The following DCAF6 variants were observed in gnomAD, a reference collection of about 807,000 sequenced individuals.
The protein encoded by DCAF6 is DDB1 and CUL4 associated factor 6.
Under a neutral mutation model 125.1 loss-of-function variants are expected in DCAF6, and 54 were observed. The observed-to-expected ratio is 0.43, with a 90% CI of 0.35 to 0.54. The LOEUF (loss-of-function observed/expected upper bound fraction) is 0.54, where lower values mean the gene tolerates loss of function less well. Ranked by LOEUF, DCAF6 falls within the 20% of genes least tolerant of loss-of-function variation. The probability of loss-of-function intolerance (pLI) is 0.01; values close to 1 mark genes in which losing one functional copy is unlikely to be tolerated. For missense variants in DCAF6, 934 were observed against 1,161.7 expected, an observed-to-expected ratio of 0.80 and a Z score of 2.85; for synonymous variants, 371 against 390.4, an observed-to-expected ratio of 0.95 and a Z score of 0.58.
intron 2 of DCAF6, among the ~76,000 whole-genome samples, chr1:167,953,784 A>C (rs1415285278): frequency 6.6e-6 from 1 of 152,036 alleles, no homozygotes; most frequent in Non-Finnish European, 1.5e-5. Flanking sequence ...TCTTTAGTAG[A>C]GACTGAGTTT....
chr1:167,933,048 A>T (rs1322024351), upstream of DCAF6, among the ~76,000 whole-genome samples: 1 of 152,138 alleles, frequency 6.6e-6, no homozygotes, highest in Non-Finnish European at 1.5e-5. Context: ...ACAGTGGCAG[A>T]TCATGACATG....
the DCAF6 span, among the ~76,000 whole-genome samples, chr1:167,915,017 G>A: frequency 6.6e-6 from 1 of 152,138 alleles, no homozygotes; most frequent in Non-Finnish European, 1.5e-5. Context: ...TCCCCTTAGG[G>A]AGAGCTATTC....
intron 17 of DCAF6, among the ~76,000 whole-genome samples, chr1:168,062,513 C>T (rs2101948043): frequency 6.6e-6 from 1 of 152,190 alleles, no homozygotes; most frequent in Non-Finnish European, 1.5e-5. Context: ...AAAGTCTTTT[C>T]CATCTAATAA....
chr1:167,980,323 T>G (rs1678906960), intron 4 of DCAF6, among the ~76,000 whole-genome samples: 1 of 152,240 alleles, frequency 6.6e-6, no homozygotes, highest in African/African-American at 2.4e-5. Flanking sequence ...TCCAGTTTTT[T>G]CGGATCTGTA....
In DCAF6 at chr1:168,049,431, GT is replaced by G. The variant is rs11369573; in HGVS notation, c.2259-1440del. On this transcript the variant is annotated intron_variant, in intron 16 of 21. Transcript: ENST00000367840. ...CTAATTTGTTGTTGTTGTTGTTGTT[GT>G]TTTTTTTTTTTTTTTTTTTTAGAAG... 6.9e-4 allele frequency among the ~76,000 whole-genome samples: 70 copies of G among 101,214 alleles called. 1 individual carries two copies. Among genetic ancestry groups the G allele is most frequent in the Middle Eastern group, 5.3e-3 (1 of 190 alleles). 66.4% of individuals were successfully genotyped at this position (101,214 alleles called of 152,430 possible).
At chr1:168,073,842 T>A (rs374773402) in intron 21 of DCAF6, among the ~76,000 whole-genome samples, 11 of 151,884 alleles carry the variant, frequency 7.2e-5, no homozygotes, top group African/African-American at 2.4e-4. Flanking sequence ...TAATTTTTTT[T>A]ATACTAATAT....
At chr1:168,049,220 A>AT (rs1196303757) in intron 16 of DCAF6, among the ~76,000 whole-genome samples, 1 of 152,074 alleles carries the variant, frequency 6.6e-6, no homozygotes, top group Non-Finnish European at 1.5e-5. Context: ...TCTTTTAGTG[A>AT]TTTTATATAC....
intron 10 of DCAF6, among the ~76,000 whole-genome samples, chr1:168,011,170 G>T (rs1417750725): frequency 7.1e-6 from 1 of 141,376 alleles, no homozygotes; most frequent in Non-Finnish European, 1.5e-5. Flanking sequence ...AGGCTGGAGT[G>T]CAGTGGCGCG....
At chr1:167,870,237 A>T in the DCAF6 span, 1 of 1,613,936 alleles carries the variant, frequency 6.2e-7, no homozygotes, top group Non-Finnish European at 8.5e-7. Context: ...CACACAGAAC[A>T]ATCATTCCAA....
At chr1:168,025,942 G>T (rs1218598657) in intron 12 of DCAF6, among the ~76,000 whole-genome samples, 4 of 152,106 alleles carry the variant, frequency 2.6e-5, no homozygotes, top group Non-Finnish European at 5.9e-5. Flanking sequence ...CATTCACTAA[G>T]CTCTTGCCAA....
At chr1:168,044,835 G>A in intron 15 of DCAF6, 65 bp from the exon 16 acceptor site, 1 of 1,548,036 alleles carries the variant, frequency 6.5e-7, no homozygotes, top group Non-Finnish European at 8.8e-7. Context: ...GAGCTCCTAA[G>A]TTAGGTTAAA....
At chr1:168,061,123 G>A (rs1443286371) in intron 17 of DCAF6, among the ~76,000 whole-genome samples, 1 of 152,048 alleles carries the variant, frequency 6.6e-6, no homozygotes, top group African/African-American at 2.4e-5. Context: ...TCTCTTTCGA[G>A]AATATTTGAC....
At chr1:167,913,195 A>C in the DCAF6 span, among the ~76,000 whole-genome samples, 1 of 152,216 alleles carries the variant, frequency 6.6e-6, no homozygotes, top group Non-Finnish European at 1.5e-5. Flanking sequence ...GTCAAAAGGC[A>C]AGCAGGCGAA....
intron 12 of DCAF6, among the ~76,000 whole-genome samples, chr1:168,025,343 C>T (rs1310440219): frequency 2.6e-5 from 4 of 152,022 alleles, no homozygotes; most frequent in African/African-American, 9.7e-5. Context: ...GGTTGAGTAG[C>T]TTGGAAATAG....
In DCAF6 at chr1:168,038,491, A is replaced by G. The variant is rs778038840; in HGVS notation, c.1727+3A>G. ...AAACTGAACTTTACAGATGAATGGT[A>G]AGTTAATATTTTTGTAAAGATGTTC... On this transcript the variant is annotated splice_donor_region_variant and intron_variant, in intron 13 of 21. Coordinates refer to ENST00000367840, the MANE Select transcript of DCAF6 (RefSeq NM_001198956.2). The G allele has an allele frequency of 6.4e-7, 1 of 1,564,394 alleles. No individual in the cohort carries two copies. The highest frequency in any genetic ancestry group is 8.7e-7 in the Non-Finnish European group (1 of 1,152,212).
upstream of DCAF6, chr1:167,935,960 TGGAGTACCC>T: frequency 2.7e-6 from 2 of 739,696 alleles, no homozygotes; most frequent in South Asian, 3.3e-5. Context: ...GCCTCTCGCC[TGGAGTACCC>T]TTCCCGCGGC....
the DCAF6 span, chr1:167,901,772 C>T: frequency 1.2e-5 from 19 of 1,614,186 alleles, no homozygotes; most frequent in South Asian, 7.7e-5. Flanking sequence ...CAGCTGCTTT[C>T]GCTCCACCCT....
chr1:167,885,425 T>C, the DCAF6 span, among the ~76,000 whole-genome samples: 5 of 152,352 alleles, frequency 3.3e-5, no homozygotes, highest in South Asian at 4.1e-4. Context: ...AAGGATTCCC[T>C]TTTTTCCACA....
the DCAF6 span, among the ~76,000 whole-genome samples, chr1:167,868,530 T>A: frequency 6.6e-6 from 1 of 152,150 alleles, no homozygotes; most frequent in African/African-American, 2.4e-5. Context: ...TGCAGACCGT[T>A]TAAGCCCACC....
Sources: gnomAD v4.1 joint callset for allele counts (sites outside exome capture counted in the v4.1 genomes callset) on GRCh38, gnomAD v4.1.1 for gene constraint, MANE v1.5 for transcripts, NCBI Gene and HGNC (gene_info 2026-07-23, HGNC 2026-07-21) for gene names.